Variants in CAPZA1 observed in about 807,000 individuals in gnomAD.
CAPZA1 encodes capping actin protein of muscle Z-line subunit alpha 1, also known as F-actin-capping protein subunit alpha-1.
In CAPZA1, 10 loss-of-function variants were observed where a neutral mutation model predicts 40.8. The ratio of observed to expected loss-of-function variants is 0.25; its 90% CI spans 0.15 to 0.42. The LOEUF (loss-of-function observed/expected upper bound fraction) is 0.42. Among genes scored for constraint, CAPZA1 ranks in the 10% least tolerant of loss-of-function variants. CAPZA1 has a pLI of 1.00. For missense variants in CAPZA1, 277 were observed against 353.8 expected, an observed-to-expected ratio of 0.78 and a Z score of 1.74; for synonymous variants, 98 against 115.0, an observed-to-expected ratio of 0.85 and a Z score of 0.95.
At chr1:112,663,129 T>C (rs917380589) in intron 7 of CAPZA1, among the ~76,000 whole-genome samples, 3 of 152,120 alleles carry the variant, frequency 2.0e-5, no homozygotes, top group Non-Finnish European at 4.4e-5. Context: ...CACGCCCAGC[T>C]AATTTTTTGT....
chr1:112,649,469 A>C lies in CAPZA1; in HGVS notation c.155A>C (p.His52Pro). 6.2e-7 allele frequency: 1 copy of C among 1,608,274 alleles called. No individual in the cohort carries two copies. The highest frequency in any genetic ancestry group is 8.5e-7 in the Non-Finnish European group (1 of 1,175,204). The stretch of plus-strand genomic sequence containing the variant: ...AATCTCCTCAGGGAAGGGGCAGCAC[A>C]GTAAGTATCTTTCCAAATCCACTTA... The part of the protein sequence containing the change: ...NDNLLREGAA[H>P]AFAQYNMDQF... The change falls in exon 3 of 10, where the codon CAT becomes CCT. Residue 52 changes from histidine (H) to proline (P), a missense_variant and splice_region_variant. By Grantham distance (77) the His-to-Pro change is moderately conservative (BLOSUM62 -2). This residue lies in a region of CAPZA1 where 85 missense variants were observed against 76.5 expected (regional missense o/e 1.11). Transcript: ENST00000263168.
chr1:112,665,494 A>G lies in CAPZA1; in HGVS notation c.586-1580A>G, dbSNP rs561924520. Among the ~76,000 whole-genome samples, 16 of 152,222 alleles carry G rather than the reference A, an allele frequency of 1.1e-4. No homozygotes were observed. In the South Asian group the frequency reaches 2.9e-3, roughly 28 times the overall value. ...CGCGCCCGGCCTTGTTTCAGCTATT[A>G]TAACACAATACCTTAGACTGGTATA... On this transcript the variant is annotated intron_variant, in intron 7 of 9. Transcript: ENST00000263168.
intron 1 of CAPZA1, among the ~76,000 whole-genome samples, chr1:112,622,404 A>C (rs1183178107): frequency 6.6e-6 from 1 of 152,220 alleles, no homozygotes; most frequent in Non-Finnish European, 1.5e-5. Flanking sequence ...TGTAGCTTTG[A>C]GTTCACAGTT....
rs958185536 is a variant in CAPZA1, at chr1:112,620,075, G to A, written c.39+192G>A. ...TGCCTCACGGTGGCCCCAGTTCCTCGTTCCTCGACTCTCCTTTTCTCTCAG... is the reference window on the plus strand; with the variant it reads ...TGCCTCACGGTGGCCCCAGTTCCTCATTCCTCGACTCTCCTTTTCTCTCAG... On this transcript the variant is annotated intron_variant, in intron 1 of 9. Transcript: ENST00000263168. The A allele has an allele frequency of 4.6e-5, 25 of 538,606 alleles. 1 individual carries two copies. The highest frequency in any genetic ancestry group is 4.5e-4 in the African/African-American group (23 of 50,974). The allele number at this position is 538,606 out of a possible 1,614,324, so 33.4% of individuals were successfully genotyped here.
chr1:112,638,926 A>C (rs151241856), intron 1 of CAPZA1, among the ~76,000 whole-genome samples: 3,688 of 148,476 alleles, frequency 0.025, 71 homozygotes, highest in African/African-American at 0.049. Context: ...ATAGATATAG[A>C]TATAGATATA....
In CAPZA1 at chr1:112,649,407, T is replaced by C. The variant is rs760507395; in HGVS notation, c.104-11T>C. Reference sequence around the variant, plus strand: ...TCCTCCACTGAACATTGTAACATTTTTCCTCCTCAGACGTTCGGCTACTAC... The same window carrying C: ...TCCTCCACTGAACATTGTAACATTTCTCCTCCTCAGACGTTCGGCTACTAC... On this transcript the variant is annotated splice_polypyrimidine_tract_variant and intron_variant, in intron 2 of 9. Coordinates refer to ENST00000263168, the MANE Select transcript of CAPZA1 (RefSeq NM_006135.3). 4.4e-6 allele frequency: 7 copies of C among 1,608,164 alleles called. No homozygotes were observed. The highest frequency in any genetic ancestry group is 6.0e-6 in the Non-Finnish European group (7 of 1,175,262).
chr1:112,643,061 A>G (rs1358957125), intron 1 of CAPZA1, among the ~76,000 whole-genome samples: 4 of 151,836 alleles, frequency 2.6e-5, no homozygotes, highest in East Asian at 1.9e-4. Context: ...GGGATAGACC[A>G]TAGCTCACTC....
intron 7 of CAPZA1, among the ~76,000 whole-genome samples, chr1:112,662,543 C>T (rs139876275): frequency 4.5e-3 from 680 of 151,546 alleles, no homozygotes; most frequent in African/African-American, 0.016. Flanking sequence ...GTACCACAGG[C>T]GCCCGCCACC....
At chr1:112,657,624 T>C (rs900204625) in intron 5 of CAPZA1, among the ~76,000 whole-genome samples, 3 of 151,872 alleles carry the variant, frequency 2.0e-5, no homozygotes, top group African/African-American at 7.3e-5. Flanking sequence ...GGAGTTTTGC[T>C]CTTTTTGCCC....
intron 1 of CAPZA1, among the ~76,000 whole-genome samples, chr1:112,638,938 G>GATATAGATATAGATATAGC (rs1557729650): frequency 2.6e-5 from 2 of 78,004 alleles, no homozygotes; most frequent in African/African-American, 1.4e-4. Flanking sequence ...ATAGATATAG[G>GATATAGATATAGATATAGC]TATAGATATA....
intron 1 of CAPZA1, among the ~76,000 whole-genome samples, chr1:112,625,126 C>G (rs1670780467): frequency 6.6e-6 from 1 of 152,146 alleles, no homozygotes; most frequent in African/African-American, 2.4e-5. Context: ...CTAGGTGTTT[C>G]TTGTATTCAA....
intron 1 of CAPZA1, among the ~76,000 whole-genome samples, chr1:112,629,914 C>T (rs1471623889): frequency 1.3e-5 from 2 of 152,210 alleles, no homozygotes; most frequent in Non-Finnish European, 2.9e-5. Context: ...CCCAGCTTCT[C>T]CTTTTCTCTG....
intron 7 of CAPZA1, among the ~76,000 whole-genome samples, chr1:112,666,413 T>C (rs9919308): frequency 0.032 from 4,938 of 152,308 alleles, 289 homozygotes; most frequent in African/African-American, 0.11. Flanking sequence ...TGACTAAACC[T>C]ATCTTAAGTT....
intron 1 of CAPZA1, among the ~76,000 whole-genome samples, chr1:112,624,968 G>T (rs1570698440): frequency 6.6e-6 from 1 of 152,216 alleles, no homozygotes; most frequent in East Asian, 1.9e-4. Flanking sequence ...TCTTTATCTA[G>T]TGCCTAGCAT....
In CAPZA1 at chr1:112,620,030, C is replaced by T. The variant is rs1570692494; in HGVS notation, c.39+147C>T. On this transcript the variant is annotated intron_variant, in intron 1 of 9. Coordinates refer to ENST00000263168, the MANE Select transcript of CAPZA1 (RefSeq NM_006135.3). Reference sequence around the variant, plus strand: ...ACGCTCTCCGCAGTCGGGACGCTTCCCTCTTAGGGGGCTTTCCTCTGCCTC... The same window carrying T: ...ACGCTCTCCGCAGTCGGGACGCTTCTCTCTTAGGGGGCTTTCCTCTGCCTC... The T allele has an allele frequency of 1.6e-5, 10 of 633,310 alleles. No individual in the cohort carries two copies. In the East Asian group the frequency reaches 2.9e-4, roughly 19 times the overall value. 39.2% of individuals were successfully genotyped at this position (633,310 alleles called of 1,614,324 possible).
At chr1:112,648,210 G>T (rs1371589133) in intron 2 of CAPZA1, among the ~76,000 whole-genome samples, 1 of 151,980 alleles carries the variant, frequency 6.6e-6, no homozygotes, top group Admixed American at 6.6e-5. Context: ...AGTAAATCAA[G>T]ATATTTTTTC....
At chr1:112,632,605 A>G (rs189160735) in intron 1 of CAPZA1, among the ~76,000 whole-genome samples, 192 of 152,288 alleles carry the variant, frequency 1.3e-3, no homozygotes, top group African/African-American at 4.4e-3. Context: ...TCCTAGTTCA[A>G]AAGAGGCCTT....
At chr1:112,621,279 A>C (rs1403991842) in intron 1 of CAPZA1, among the ~76,000 whole-genome samples, 2 of 131,576 alleles carry the variant, frequency 1.5e-5, no homozygotes, top group Non-Finnish European at 3.1e-5. Flanking sequence ...GTTACAATAC[A>C]ACTAAACAAT....
intron 5 of CAPZA1, among the ~76,000 whole-genome samples, chr1:112,655,491 C>CA (rs1257810231): frequency 5.5e-5 from 4 of 72,268 alleles, no homozygotes; most frequent in South Asian, 8.6e-4. Flanking sequence ...AAACAAAAAA[C>CA]AAAAAAAACC....
Sources: gnomAD v4.1 joint callset for allele counts (sites outside exome capture counted in the v4.1 genomes callset) on GRCh38, gnomAD v4.1.1 for gene constraint, gnomAD v4.1.1 regional missense constraint, MANE v1.5 for transcripts, NCBI Gene and HGNC (gene_info 2026-07-23, HGNC 2026-07-21) for gene names.